The following PLPPR2 variants were observed in gnomAD, a reference collection of about 807,000 sequenced individuals.
The protein encoded by PLPPR2 is phospholipid phosphatase-related protein type 2.
PLPPR2 carries 11 observed loss-of-function variants against 40.3 expected under a neutral mutation model. The ratio of observed to expected loss-of-function variants is 0.27; its 90% CI spans 0.17 to 0.45. The LOEUF is 0.45. Ranked by LOEUF, PLPPR2 falls within the 20% of genes least tolerant of loss-of-function variation. PLPPR2 has a pLI of 1.00. For missense variants in PLPPR2, 497 were observed against 640.7 expected (o/e 0.78, Z 2.42); for synonymous variants, 260 against 290.8 (o/e 0.89, Z 1.08).
At chr19:11,357,906 G>A (rs758251222) in intron 3 of PLPPR2, among the ~76,000 whole-genome samples, 167 bp downstream of exon 3, 7 of 152,002 alleles carry the variant, frequency 4.6e-5, no homozygotes, top group Non-Finnish European at 7.4e-5. Flanking sequence ...ACTCCCCGGG[G>A]TCCAATCCCT....
chr19:11,360,718 G>A (rs1362874765), intron 5 of PLPPR2, among the ~76,000 whole-genome samples: 1 of 152,088 alleles, frequency 6.6e-6, no homozygotes, highest in Non-Finnish European at 1.5e-5. Context: ...CTCAAGTAGT[G>A]GCTGTGGGAA....
In PLPPR2 at chr19:11,356,664, T is replaced by TTGTGTGTGTGTGTGTGTG. The variant is rs66994507; in HGVS notation, c.-189-125_-189-108dup. 13 of 146,042 alleles carry TTGTGTGTGTGTGTGTGTG rather than the reference T, an allele frequency of 8.9e-5. 1 individual carries two copies. The highest frequency in any genetic ancestry group is 3.1e-4 in the African/African-American group (12 of 39,266). 9.0% of individuals were successfully genotyped at this position (146,042 alleles called of 1,614,324 possible). ...GGGATGGGTGAACGCTATGCCATGG[T>TTGTGTGTGTGTGTGTGTG]TGTGTGTGTGTGTGTGTGTGTGTGT... On this transcript the variant is annotated intron_variant, in intron 1 of 9. Coordinates refer to ENST00000688289, the MANE Select transcript of PLPPR2 (RefSeq NM_001393892.1).
chr19:11,361,156 A>G lies in PLPPR2; in HGVS notation c.392-61A>G, dbSNP rs149837570. 54 of 1,532,910 alleles carry G rather than the reference A, an allele frequency of 3.5e-5. No individual in the cohort carries two copies. Among genetic ancestry groups the G allele is most frequent in the Non-Finnish European group, 4.2e-5 (48 of 1,139,826 alleles). The allele number at this position is 1,532,910 out of a possible 1,614,324, so 95.0% of individuals were successfully genotyped here. A position where few individuals can be genotyped will look rare whatever the true frequency, so the allele number is the denominator to read the frequency against. On this transcript the variant is annotated intron_variant, in intron 5 of 9. Transcript: ENST00000688289. The surrounding 1 kb of genome is among the most constrained non-coding windows in gnomAD (Gnocchi z 6.3). Reference sequence around the variant, plus strand: ...CAGGAAAAGGGAGCTAAGAGGCCCAATGGAATCAGTGGGAGCATCAGGGCC... The same window carrying G: ...CAGGAAAAGGGAGCTAAGAGGCCCAGTGGAATCAGTGGGAGCATCAGGGCC...
At position 11,363,212 on chromosome 19, in the gene PLPPR2, C is replaced by T. The variant is rs987814819; in HGVS notation, c.841-501C>T. On this transcript the variant is annotated intron_variant, in intron 7 of 9. Transcript: ENST00000688289. This position sits in a 1 kb window ranked among gnomAD's most constrained non-coding sequence, Gnocchi z 4.8. ...AGAAGAATCGCTTGAACCCGGGGGA[C>T]GGAGGTTGCAGTGAACTGAGATCGT... Among the ~76,000 whole-genome samples, 10 of 148,836 alleles carry T rather than the reference C, an allele frequency of 6.7e-5. No homozygotes were observed. Among genetic ancestry groups the T allele is most frequent in the Non-Finnish European group, 1.0e-4 (7 of 67,690 alleles).
At chr19:11,360,586 C>T (rs1413064999) in intron 5 of PLPPR2, among the ~76,000 whole-genome samples, 3 of 152,024 alleles carry the variant, frequency 2.0e-5, no homozygotes, top group African/African-American at 2.4e-5. Context: ...TGGCAACTGT[C>T]GGAAGAGGGT....
In PLPPR2 at chr19:11,363,614, G is replaced by T. The variant is rs577034088; in HGVS notation, c.841-99G>T. The T allele has an allele frequency of 3.0e-4, 414 of 1,388,048 alleles. No homozygotes were observed. In the African/African-American group the frequency reaches 5.5e-3, roughly 18 times the overall value. 86.0% of individuals were successfully genotyped at this position (1,388,048 alleles called of 1,614,324 possible). On this transcript the variant is annotated intron_variant, in intron 7 of 9. Transcript: ENST00000688289. The surrounding 1 kb of genome is among the most constrained non-coding windows in gnomAD (Gnocchi z 4.8). ...TATGCATTAGCTGTTTTTGAAAACC[G>T]GAGCCTCACTTTCCTTATCTGAAAA... is the stretch of plus-strand genomic sequence containing the variant.
Position 11,361,494 on chromosome 19 carries a change from C to A in PLPPR2, c.663+6C>A, listed in dbSNP as rs1425079280. 1 of 1,584,868 alleles carries A rather than the reference C, an allele frequency of 6.3e-7. No homozygotes were observed. The highest frequency in any genetic ancestry group is 8.6e-7 in the Non-Finnish European group (1 of 1,169,066). On this transcript the variant is annotated splice_donor_region_variant and intron_variant, in intron 6 of 9. Transcript: ENST00000688289. The surrounding 1 kb of genome is among the most constrained non-coding windows in gnomAD (Gnocchi z 6.3). ...ACGCGGTCACCTACACAGCGGTGAGCTTCGGGAGCTTCGGGGTCGGAAATG... is the reference window on the plus strand; with the variant it reads ...ACGCGGTCACCTACACAGCGGTGAGATTCGGGAGCTTCGGGGTCGGAAATG...
In PLPPR2 at chr19:11,359,757, C is replaced by T. The variant is rs374000414; in HGVS notation, c.255+37C>T. ...AAGACCTCCTAGGAGGCAGGTGGGC[C>T]GGTAAGGGTGGGTGAGGGGATGGGC... On this transcript the variant is annotated intron_variant, in intron 4 of 9. Transcript: ENST00000688289. The surrounding 1 kb of genome is among the most constrained non-coding windows in gnomAD (Gnocchi z 5.6). 7.6e-5 allele frequency: 120 copies of T among 1,577,542 alleles called. No homozygotes were observed. In the South Asian group the frequency reaches 1.2e-3, roughly 15 times the overall value.
intron 1 of PLPPR2, among the ~76,000 whole-genome samples, chr19:11,355,962 G>T (rs1829368045): frequency 6.6e-6 from 1 of 151,480 alleles, no homozygotes; most frequent in Non-Finnish European, 1.5e-5. Flanking sequence ...TGTGTGTCTG[G>T]CTATGCTGTG....
At chr19:11,360,980 G>T (rs973234613) in intron 5 of PLPPR2, among the ~76,000 whole-genome samples, 1 of 151,960 alleles carries the variant, frequency 6.6e-6, no homozygotes, top group Non-Finnish European at 1.5e-5. Context: ...GGGAGGATCC[G>T]CCCCTGACAT....
In PLPPR2 at chr19:11,359,767, G is replaced by C. The variant is rs750809459; in HGVS notation, c.255+47G>C. ...AGGAGGCAGGTGGGCCGGTAAGGGT[G>C]GGTGAGGGGATGGGCTGGAAGGCCA... On this transcript the variant is annotated intron_variant, in intron 4 of 9. Transcript: ENST00000688289. The surrounding 1 kb of genome is among the most constrained non-coding windows in gnomAD (Gnocchi z 5.6). The C allele has an allele frequency of 5.7e-6, 9 of 1,584,430 alleles. No individual in the cohort carries two copies. Among genetic ancestry groups the C allele is most frequent in the Non-Finnish European group, 7.8e-6 (9 of 1,159,940 alleles).
chr19:11,359,734 G>GACCTCCT lies in PLPPR2; in HGVS notation c.255+16_255+22dup. On this transcript the variant is annotated intron_variant, in intron 4 of 9. Coordinates refer to ENST00000688289, the MANE Select transcript of PLPPR2 (RefSeq NM_001393892.1). The surrounding 1 kb of genome is among the most constrained non-coding windows in gnomAD (Gnocchi z 5.6). ...CCCACCCTCACGGTGAGACAATGAA[G>GACCTCCT]ACCTCCTAGGAGGCAGGTGGGCCGG... 1 of 1,578,886 alleles carries GACCTCCT rather than the reference G, an allele frequency of 6.3e-7. No homozygotes were observed. Among genetic ancestry groups the GACCTCCT allele is most frequent in the Non-Finnish European group, 8.6e-7 (1 of 1,156,792 alleles).
In PLPPR2 at chr19:11,359,621, T is replaced by C. The variant is rs751094130; in HGVS notation, c.156T>C (p.Tyr52=). Residue 52 remains tyrosine (Y), a synonymous_variant, in exon 4 of 10, where the codon TAT becomes TAC. Transcript: ENST00000688289. The surrounding 1 kb of genome is among the most constrained non-coding windows in gnomAD (Gnocchi z 5.6). ...TGCACACCCAGGGATTCTTCTGCTA[T>C]GACAGTACCTACGCCAAGCCCTACC... ...FPVHTQGFFC[Y]DSTYAKPYPG... The C allele has an allele frequency of 3.7e-6, 6 of 1,613,176 alleles. No homozygotes were observed. The Admixed American group carries it at 5.0e-5, about 13-fold the overall frequency.
At position 11,362,495 on chromosome 19, in the gene PLPPR2, C is replaced by T. The variant is rs185864276; in HGVS notation, c.664-18C>T. 1.2e-6 allele frequency: 2 copies of T among 1,607,852 alleles called. No homozygotes were observed. The highest frequency in any genetic ancestry group is 2.7e-5 in the African/African-American group (2 of 75,068). On this transcript the variant is annotated intron_variant, in intron 6 of 9. Coordinates refer to ENST00000688289, the MANE Select transcript of PLPPR2 (RefSeq NM_001393892.1). This position sits in a 1 kb window ranked among gnomAD's most constrained non-coding sequence, Gnocchi z 5.3. ...GACTTGCCTCCGCTATCCCCCTGAC[C>T]AGTCCGGCTCCCCGCAGATGTACGT...
At position 11,364,371 on chromosome 19, in the gene PLPPR2, G is replaced by A; in HGVS notation, c.1040G>A (p.Gly347Asp). 2 of 1,519,470 alleles carry A rather than the reference G, an allele frequency of 1.3e-6. No homozygotes were observed. The highest frequency in any genetic ancestry group is 2.2e-5 in the Admixed American group (1 of 45,110). 94.1% of individuals were successfully genotyped at this position (1,519,470 alleles called of 1,614,324 possible). A position where few individuals can be genotyped will look rare whatever the true frequency, so the allele number is the denominator to read the frequency against. The change falls in exon 10 of 10, where the codon GGC becomes GAC. Residue 347 changes from glycine (G) to aspartate (D), a missense_variant. Coordinates refer to ENST00000688289, the MANE Select transcript of PLPPR2 (RefSeq NM_001393892.1). This position sits in a 1 kb window ranked among gnomAD's most constrained non-coding sequence, Gnocchi z 5.8. Reference protein sequence around the residue: ...PSKSQNCARRGHLIPSCVSSR... With the variant: ...PSKSQNCARRDHLIPSCVSSR... ...GAGTCGCAGAACTGCGCCCGCCGTGGCCACCTGATCCCCAGCTGTGTCTCC... is the reference window on the plus strand; with the variant it reads ...GAGTCGCAGAACTGCGCCCGCCGTGACCACCTGATCCCCAGCTGTGTCTCC...
chr19:11,363,568 C>A lies in PLPPR2; in HGVS notation c.841-145C>A. 2 of 906,410 alleles carry A rather than the reference C, an allele frequency of 2.2e-6. No individual in the cohort carries two copies. The highest frequency in any genetic ancestry group is 3.1e-6 in the Non-Finnish European group (2 of 645,556). 56.1% of individuals were successfully genotyped at this position (906,410 alleles called of 1,614,324 possible). ...TTGCACCTACCTCAGTAAAATGGAA[C>A]CAACAGTGCCTGGCACATACTATGC... On this transcript the variant is annotated intron_variant, in intron 7 of 9. Transcript: ENST00000688289. This position sits in a 1 kb window ranked among gnomAD's most constrained non-coding sequence, Gnocchi z 4.8.
At position 11,359,394 on chromosome 19, in the gene PLPPR2, C is replaced by G; in HGVS notation, c.67-138C>G. 1.4e-6 allele frequency: 1 copy of G among 733,490 alleles called. No individual in the cohort carries two copies. Among genetic ancestry groups the G allele is most frequent in the Non-Finnish European group, 2.0e-6 (1 of 489,696 alleles). 45.4% of individuals were successfully genotyped at this position (733,490 alleles called of 1,614,324 possible). A position where few individuals can be genotyped will look rare whatever the true frequency, so the allele number is the denominator to read the frequency against. On this transcript the variant is annotated intron_variant, in intron 3 of 9. Coordinates refer to ENST00000688289, the MANE Select transcript of PLPPR2 (RefSeq NM_001393892.1). This position sits in a 1 kb window ranked among gnomAD's most constrained non-coding sequence, Gnocchi z 5.6. ...CTCTCAGTCTCTCTCCCCCTTGTCTCTGTCTCTCTCCATCTTCTAGTTTCT... is the reference window on the plus strand; with the variant it reads ...CTCTCAGTCTCTCTCCCCCTTGTCTGTGTCTCTCTCCATCTTCTAGTTTCT...
chr19:11,363,797 A>G lies in PLPPR2; in HGVS notation c.925A>G (p.Thr309Ala). 6.2e-7 allele frequency: 1 copy of G among 1,614,116 alleles called. No individual in the cohort carries two copies. The highest frequency in any genetic ancestry group is 1.3e-5 in the African/African-American group (1 of 75,038). Residue 309 changes from threonine to alanine, a missense_variant, in exon 8 of 10, where the codon ACC becomes GCC. Thr to Ala is a moderately conservative substitution (Grantham distance 58). Coordinates refer to ENST00000688289, the MANE Select transcript of PLPPR2 (RefSeq NM_001393892.1). The surrounding 1 kb of genome is among the most constrained non-coding windows in gnomAD (Gnocchi z 4.8). The stretch of plus-strand genomic sequence containing the variant: ...CTGGGAGGACCTGGGCCAAGCCCCC[A>G]CCATGGATAGCCCCCTCGAAAAGTT... The part of the protein sequence containing the change: ...SPWEDLGQAP[T>A]MDSPLEKLSV...
Position 11,364,038 on chromosome 19 carries a change from C to T in PLPPR2, c.964-123C>T, listed in dbSNP as rs80218197. The T allele has an allele frequency of 8.3e-3, 11,594 of 1,399,910 alleles. 602 individuals carry two copies. In the Admixed American group the frequency reaches 0.12, roughly 15 times the overall value. 86.7% of individuals were successfully genotyped at this position (1,399,910 alleles called of 1,614,324 possible). A position where few individuals can be genotyped will look rare whatever the true frequency, so the allele number is the denominator to read the frequency against. On this transcript the variant is annotated intron_variant, in intron 8 of 9. Coordinates refer to ENST00000688289, the MANE Select transcript of PLPPR2 (RefSeq NM_001393892.1). The surrounding 1 kb of genome is among the most constrained non-coding windows in gnomAD (Gnocchi z 5.8). ...CCCCCGTCTTCTTCCCAGGGGGACA[C>T]GGTTAATCATGAGAACTGTGGTTGT...
Sources: allele counts gnomAD v4.1 joint callset (sites outside exome capture counted in the v4.1 genomes callset), GRCh38; gene constraint gnomAD v4.1.1; non-coding constraint Gnocchi (gnomAD v3.1); transcripts MANE v1.5; gene names NCBI Gene and HGNC (gene_info 2026-07-23, HGNC 2026-07-21).